The following GTF3C2 variants were observed in gnomAD, a reference collection of about 807,000 sequenced individuals.
The protein encoded by GTF3C2 is general transcription factor 3C polypeptide 2.
GTF3C2 carries 17 observed loss-of-function variants against 117.4 expected under a neutral mutation model. The observed-to-expected ratio is 0.14, with a 90% CI of 0.10 to 0.22. The LOEUF is 0.22. Among genes scored for constraint, GTF3C2 ranks in the 10% least tolerant of loss-of-function variants. The pLI is 1.00. For synonymous variants in GTF3C2, 437 were observed against 427.0 expected (o/e 1.02, Z -0.29); for missense variants, 888 against 1,143.6 (o/e 0.78, Z 3.22).
intron 4 of GTF3C2, chr2:27,338,307 T>C (rs140469859): frequency 5.2e-6 from 2 of 384,484 alleles, no homozygotes; most frequent in African/African-American, 2.1e-5. Flanking sequence ...TCTTTGAAAC[T>C]CCCGCCCTAT....
At chr2:27,339,134 C>A (rs1206457575) in intron 4 of GTF3C2, among the ~76,000 whole-genome samples, 1 of 152,078 alleles carries the variant, frequency 6.6e-6, no homozygotes, top group African/African-American at 2.4e-5. Context: ...TAAAGCCGGG[C>A]ATGGTGGCTC....
At chr2:27,338,503 T>C (rs1472015984) in intron 4 of GTF3C2, among the ~76,000 whole-genome samples, 1 of 152,136 alleles carries the variant, frequency 6.6e-6, no homozygotes, top group African/African-American at 2.4e-5. Context: ...TCTCATCTCA[T>C]GTCCCATGGC....
intron 3 of GTF3C2, 131 bp from the exon 4 acceptor site, chr2:27,342,364 C>A: frequency 1.4e-6 from 1 of 705,906 alleles, no homozygotes; most frequent in Non-Finnish European, 2.3e-6. Context: ...CTATTAATTT[C>A]CCCTTCCCCC....
chr2:27,344,714 T>A (rs1680856821), intron 1 of GTF3C2, among the ~76,000 whole-genome samples: 1 of 152,216 alleles, frequency 6.6e-6, no homozygotes, highest in South Asian at 2.1e-4. Flanking sequence ...CCAGGCAGGA[T>A]GGCTCATGCC....
intron 17 of GTF3C2, among the ~76,000 whole-genome samples, chr2:27,327,501 T>C (rs1680123823): frequency 6.6e-6 from 1 of 151,876 alleles, no homozygotes; most frequent in South Asian, 2.1e-4. Context: ...ATTTTTTGTA[T>C]TTTTAGTAGA....
At chr2:27,356,366 G>T in intron 1 of GTF3C2, 1 of 322,130 alleles carries the variant, frequency 3.1e-6, no homozygotes, top group South Asian at 2.4e-5. Flanking sequence ...CGTGAAGGTA[G>T]ATTTCTCCCC....
At chr2:27,326,750 A>G in exon 19 of GTF3C2, 1 of 1,614,094 alleles carries the variant, frequency 6.2e-7, no homozygotes, top group Non-Finnish European at 8.5e-7. Flanking sequence ...GTTGGAACAT[A>G]GCATTGAAGT....
chr2:27,350,620 C>T, intron 1 of GTF3C2: 1 of 506,848 alleles, frequency 2.0e-6, no homozygotes, highest in South Asian at 8.6e-5. Context: ...GGCAACACAG[C>T]AAGACTTTGT....
intron 10 of GTF3C2, among the ~76,000 whole-genome samples, chr2:27,334,983 A>G (rs967906176): frequency 2.6e-5 from 4 of 152,194 alleles, no homozygotes; most frequent in African/African-American, 9.6e-5. Flanking sequence ...TATATTTACT[A>G]TCTTTACTTT....
At chr2:27,352,747 GCATATTGTCCCC>G (rs1681177789) in intron 1 of GTF3C2, among the ~76,000 whole-genome samples, 1 of 152,068 alleles carries the variant, frequency 6.6e-6, no homozygotes, top group African/African-American at 2.4e-5. Flanking sequence ...ATCCTAAGAA[GCATATTGTCCCC>G]CAACTCATCA....
chr2:27,342,363 TC>T (rs1314977327), intron 3 of GTF3C2, 130 bp from the exon 4 acceptor site: 1 of 712,216 alleles, frequency 1.4e-6, no homozygotes, highest in Non-Finnish European at 2.2e-6. Context: ...TCTATTAATT[TC>T]CCCTTCCCCC....
At chr2:27,339,093 G>GA (rs896810061) in intron 4 of GTF3C2, among the ~76,000 whole-genome samples, 2 of 152,012 alleles carry the variant, frequency 1.3e-5, no homozygotes, top group East Asian at 1.9e-4. Flanking sequence ...GAGGCAAATG[G>GA]AAAAAAACAG....
chr2:27,349,416 G>A (rs940227686), intron 1 of GTF3C2, among the ~76,000 whole-genome samples: 9 of 152,048 alleles, frequency 5.9e-5, no homozygotes, highest in Admixed American at 2.6e-4. Context: ...CAAAGTGCTG[G>A]GATTACAGGC....
At chr2:27,327,332 GTTTTT>G (rs768783449) in intron 17 of GTF3C2, 48 bp from the exon 18 acceptor site, 6 of 1,033,908 alleles carry the variant, frequency 5.8e-6, no homozygotes, top group Non-Finnish European at 8.9e-6. Flanking sequence ...ACGCTCGTTT[GTTTTT>G]TTTAAGACGG....
chr2:27,352,127 T>C (rs1186332731), intron 1 of GTF3C2, among the ~76,000 whole-genome samples: 2 of 152,238 alleles, frequency 1.3e-5, no homozygotes, highest in Non-Finnish European at 2.9e-5. Flanking sequence ...AGCCACATCC[T>C]ATCTAGTTTA....
intron 12 of GTF3C2, among the ~76,000 whole-genome samples, chr2:27,333,086 T>C (rs1680334926): frequency 6.6e-6 from 1 of 151,892 alleles, no homozygotes; most frequent in Admixed American, 6.6e-5. Flanking sequence ...CCTCAAGTGA[T>C]TCCCTCCCAT....
At position 27,350,525 on chromosome 2, in the gene GTF3C2, C is replaced by T. The variant is rs550689327; in HGVS notation, c.-25+6214G>A. 4 of 985,262 alleles carry T rather than the reference C, an allele frequency of 4.1e-6. No homozygotes were observed. The African/African-American group carries it at 5.2e-5, about 13-fold the overall frequency. The allele number at this position is 985,262 out of a possible 1,614,324, so 61.0% of individuals were successfully genotyped here. A position where few individuals can be genotyped will look rare whatever the true frequency, so the allele number is the denominator to read the frequency against. ...CTCAAGAATCATGTGCTGGGCTGGG[C>T]GCAGTGGCTCATGCCTGTAATCTCA... On this transcript the variant is annotated intron_variant, in intron 1 of 18. Transcript: ENST00000264720.
rs540065204 is a variant in GTF3C2, at chr2:27,335,888, G to A, written c.1467+29C>T. On this transcript the variant is annotated intron_variant, in intron 9 of 18. Coordinates refer to ENST00000264720, the Ensembl canonical transcript of GTF3C2. ...CTCTTTGTCCTGGCTTTGAGTCCTA[G>A]GGCCATCCCACAGTTGACTGGGAAG... 2.0e-4 allele frequency: 293 copies of A among 1,430,028 alleles called. 4 individuals are homozygous for A. In the South Asian group the frequency reaches 3.1e-3, roughly 15 times the overall value. The allele number at this position is 1,430,028 out of a possible 1,614,324, so 88.6% of individuals were successfully genotyped here.
At position 27,354,732 on chromosome 2, in the gene GTF3C2, G is replaced by A. The variant is rs147048018; in HGVS notation, c.-25+2007C>T. Among the ~76,000 whole-genome samples the A allele has an allele frequency of 5.0e-3, 764 of 152,296 alleles. 13 individuals carry two copies. Among genetic ancestry groups the A allele is most frequent in the African/African-American group, 0.018 (730 of 41,566 alleles). On this transcript the variant is annotated intron_variant, in intron 1 of 18. Coordinates refer to ENST00000264720, the Ensembl canonical transcript of GTF3C2. ...GCCGATATCACGCCACTGCACTCCA[G>A]CCTGAGTGACAGAGGAAGATTCCGG... is the stretch of plus-strand genomic sequence containing the variant.
Sources: allele counts gnomAD v4.1 joint callset (sites outside exome capture counted in the v4.1 genomes callset), GRCh38; gene constraint gnomAD v4.1.1; transcripts MANE v1.5; gene names NCBI Gene and HGNC (gene_info 2026-07-23, HGNC 2026-07-21).